Variants in NUP210 observed in about 807,000 individuals in gnomAD.
NUP210 encodes nuclear pore membrane glycoprotein 210.
A neutral mutation model predicts 196.0 loss-of-function variants in NUP210; 151 were observed. The ratio of observed to expected loss-of-function variants is 0.77; its 90% CI spans 0.67 to 0.88. The LOEUF (loss-of-function observed/expected upper bound fraction) is 0.88, where lower values mean the gene tolerates loss of function less well. Among genes scored for constraint, NUP210 ranks in the 40% least tolerant of loss-of-function variants. The pLI, the probability that NUP210 is intolerant of heterozygous loss-of-function variation, is 0.00. For synonymous variants in NUP210, 1,070 were observed against 1,052.7 expected, an observed-to-expected ratio of 1.02 and a Z score of -0.32; for missense variants, 2,314 against 2,493.7, an observed-to-expected ratio of 0.93 and a Z score of 1.53.
At chr3:13,380,628 G>A (rs1017798554) in intron 6 of NUP210, among the ~76,000 whole-genome samples, 5 of 152,178 alleles carry the variant, frequency 3.3e-5, no homozygotes, top group African/African-American at 1.2e-4. Context: ...CCCCACAAGT[G>A]GGACATTCTA....
chr3:13,322,456 C>T (rs1337412561), intron 34 of NUP210, 117 bp from the exon 35 acceptor site: 4 of 1,140,078 alleles, frequency 3.5e-6, no homozygotes, highest in African/African-American at 1.5e-5. Flanking sequence ...GCATGTCTTC[C>T]AGCAGGGCCC....
At chr3:13,397,920 AAGT>A (rs1428185229) in intron 2 of NUP210, among the ~76,000 whole-genome samples, 1 of 152,192 alleles carries the variant, frequency 6.6e-6, no homozygotes, top group Non-Finnish European at 1.5e-5. Flanking sequence ...AAAGACTATC[AAGT>A]ATAGTACAGA....
At chr3:13,386,471 A>C in intron 5 of NUP210, 64 bp from the exon 6 acceptor site, 1 of 1,576,420 alleles carries the variant, frequency 6.3e-7, no homozygotes, top group Non-Finnish European at 8.7e-7. Context: ...TGGTGGTGTG[A>C]GCAAGAGAAA....
rs145569008 is a variant in NUP210 at position 13,382,159 on chromosome 3, A to C, written c.818-2438T>G. On this transcript the variant is annotated intron_variant, in intron 6 of 39. Transcript: ENST00000254508. The stretch of plus-strand genomic sequence containing the variant: ...CATTCTATCCACTCAAGTTCTCTTC[A>C]GATACTGATTCGATCAGCCAGCATG... 2.5e-3 allele frequency among the ~76,000 whole-genome samples: 380 copies of C among 152,318 alleles called. 3 individuals carry two copies. Among genetic ancestry groups the C allele is most frequent in the African/African-American group, 6.5e-3 (269 of 41,572 alleles).
chr3:13,354,274 C>G, intron 16 of NUP210, 167 bp from the exon 17 acceptor site: 2 of 619,832 alleles, frequency 3.2e-6, no homozygotes. Context: ...CCCACCAGGT[C>G]CCCCCATGGC....
Position 13,322,289 on chromosome 3 carries a change from T to C in NUP210, c.4819A>G (p.Thr1607Ala). ...AACTGGGACTGGCAGCTGATGAGGGTCTCTGGGTGCAAGGCCTGGATGACT... is the reference window on the plus strand; with the variant it reads ...AACTGGGACTGGCAGCTGATGAGGGCCTCTGGGTGCAAGGCCTGGATGACT... ...REVIQALHPE[T>A]LISCQSQFKP... Residue 1607 changes from threonine to alanine, a missense_variant, in exon 35 of 40, where the codon ACC becomes GCC. Coordinates refer to ENST00000254508, the MANE Select transcript of NUP210 (RefSeq NM_024923.4). 6.2e-7 allele frequency: 1 copy of C among 1,613,714 alleles called. No homozygotes were observed. Among genetic ancestry groups the C allele is most frequent in the South Asian group, 1.1e-5 (1 of 91,030 alleles).
Position 13,354,001 on chromosome 3 carries a change from G to A in NUP210, c.2435C>T (p.Thr812Ile). The A allele has an allele frequency of 6.2e-7, 1 of 1,609,736 alleles. No individual in the cohort carries two copies. The highest frequency in any genetic ancestry group is 8.5e-7 in the Non-Finnish European group (1 of 1,178,040). The change falls in exon 17 of 40, where the codon ACC (threonine) becomes ATC (isoleucine). Residue 812 changes from threonine to isoleucine, a missense_variant. Thr to Ile is a moderately conservative substitution (Grantham distance 89). Transcript: ENST00000254508. Reference protein sequence around the residue: ...FSSLSIQWESTRPVLASIEPE... With the variant: ...FSSLSIQWESIRPVLASIEPE... The stretch of plus-strand genomic sequence containing the variant: ...CTCGATGCTGGCCAACACTGGCCTG[G>A]TGGACTCCCACTGGATGCTCAGAGA...
At chr3:13,334,883 G>A (rs1344895096) in intron 28 of NUP210, among the ~76,000 whole-genome samples, 3 of 152,178 alleles carry the variant, frequency 2.0e-5, no homozygotes, top group Non-Finnish European at 4.4e-5. Context: ...CCCTCTCTGA[G>A]GCTGTTTTCC....
At chr3:13,358,162 A>G (rs1047251181) in intron 16 of NUP210, 60 bp downstream of exon 16, 1 of 1,492,940 alleles carries the variant, frequency 6.7e-7, no homozygotes, top group Non-Finnish European at 9.2e-7. Context: ...GAGGCCACCA[A>G]TGTCCTCCTG....
At chr3:13,415,496 G>A (rs1018681164) in intron 1 of NUP210, among the ~76,000 whole-genome samples, 36 of 152,202 alleles carry the variant, frequency 2.4e-4, no homozygotes, top group Admixed American at 4.6e-4. Flanking sequence ...AGGAGACAGA[G>A]ATTTGGCCTA....
At chr3:13,399,145 A>T (rs755539441) in intron 2 of NUP210, among the ~76,000 whole-genome samples, 1 of 150,902 alleles carries the variant, frequency 6.6e-6, no homozygotes, top group Non-Finnish European at 1.5e-5. Context: ...GCATGCCTGT[A>T]GTCTCAACTA....
In NUP210 at chr3:13,420,042, CCCGGCCGCGCG is replaced by C. The variant is rs1559355169; in HGVS notation, c.167+7_167+17del. On this transcript the variant is annotated splice_region_variant and intron_variant, in intron 1 of 39. Coordinates refer to ENST00000254508, the MANE Select transcript of NUP210 (RefSeq NM_024923.4). This position sits in a 1 kb window ranked among gnomAD's most constrained non-coding sequence, Gnocchi z 4.8. ...AGCCCGGCCCACGGCGCCCGCCCGG[CCCGGCCGCGCG>C]CCTCACCAGCGGTAGCAGCCCTCCG... The C allele has an allele frequency of 8.1e-7, 1 of 1,240,182 alleles. No homozygotes were observed. The highest frequency in any genetic ancestry group is 3.6e-5 in the Admixed American group (1 of 27,706). The allele number at this position is 1,240,182 out of a possible 1,614,324, so 76.8% of individuals were successfully genotyped here. A position where few individuals can be genotyped will look rare whatever the true frequency, so the allele number is the denominator to read the frequency against.
At chr3:13,345,419 C>A (rs1006696854) in intron 20 of NUP210, among the ~76,000 whole-genome samples, 3 of 152,234 alleles carry the variant, frequency 2.0e-5, no homozygotes, top group Non-Finnish European at 4.4e-5. Context: ...CGACTCTCCA[C>A]TTCCCAGGAG....
At chr3:13,374,661 G>A (rs1359243371) in intron 11 of NUP210, among the ~76,000 whole-genome samples, 7 of 152,272 alleles carry the variant, frequency 4.6e-5, no homozygotes, top group Admixed American at 2.0e-4. Context: ...CTTGGTCACC[G>A]AGCCAGTTGC....
intron 1 of NUP210, among the ~76,000 whole-genome samples, chr3:13,419,808 A>T (rs1397279639): frequency 5.9e-5 from 9 of 151,718 alleles, no homozygotes; most frequent in Admixed American, 5.9e-4. Context: ...AACCCAGAAC[A>T]CGCGGGTCAC....
intron 6 of NUP210, among the ~76,000 whole-genome samples, chr3:13,385,851 A>G (rs560894409): frequency 4.6e-5 from 7 of 152,374 alleles, no homozygotes; most frequent in Non-Finnish European, 1.0e-4. Context: ...ATGGAGCACT[A>G]TTCAGCCTTA....
intron 11 of NUP210, among the ~76,000 whole-genome samples, chr3:13,374,956 G>A (rs2124914484): frequency 6.6e-6 from 1 of 152,330 alleles, no homozygotes; most frequent in Middle Eastern, 3.4e-3. Flanking sequence ...ATGCCAGGTG[G>A]AAGTATTAAG....
chr3:13,409,971 G>T (rs1182511043), intron 1 of NUP210, among the ~76,000 whole-genome samples: 1 of 151,376 alleles, frequency 6.6e-6, no homozygotes, highest in Non-Finnish European at 1.5e-5. Flanking sequence ...CGAGCAGCTG[G>T]GACTACAGGT....
intron 10 of NUP210, 52 bp from the exon 11 acceptor site, chr3:13,375,693 G>A: frequency 1.3e-6 from 2 of 1,574,482 alleles, no homozygotes; most frequent in East Asian, 2.3e-5. Flanking sequence ...GTCATCATCA[G>A]TCTTTCCCAG....
Sources: allele counts gnomAD v4.1 joint callset (sites outside exome capture counted in the v4.1 genomes callset), GRCh38; gene constraint gnomAD v4.1.1; non-coding constraint Gnocchi (gnomAD v3.1); transcripts MANE v1.5; gene names NCBI Gene and HGNC (gene_info 2026-07-23, HGNC 2026-07-21).